The following TTYH2 variants were observed in gnomAD, a reference collection of about 807,000 sequenced individuals.
TTYH2 encodes the protein protein tweety homolog 2.
TTYH2 carries 49 observed loss-of-function variants against 68.3 expected under a neutral mutation model. The ratio of observed to expected loss-of-function variants is 0.72; its 90% CI spans 0.57 to 0.91. The LOEUF (loss-of-function observed/expected upper bound fraction) is 0.91, where lower values mean the gene tolerates loss of function less well. Among genes scored for constraint, TTYH2 ranks in the 40% least tolerant of loss-of-function variants. The probability of loss-of-function intolerance (pLI) is 0.00; values close to 1 mark genes in which losing one functional copy is unlikely to be tolerated. For missense variants in TTYH2, 631 were observed against 700.4 expected, an observed-to-expected ratio of 0.90 and a Z score of 1.12; for synonymous variants, 272 against 300.8, an observed-to-expected ratio of 0.90 and a Z score of 0.99.
intron 6 of TTYH2, among the ~76,000 whole-genome samples, chr17:74,244,496 G>A (rs991948905): frequency 6.6e-6 from 1 of 152,188 alleles, no homozygotes; most frequent in Non-Finnish European, 1.5e-5. Flanking sequence ...TGGGACTGTA[G>A]AATGTGGTGT....
chr17:74,226,386 G>C (rs757338411), intron 2 of TTYH2, among the ~76,000 whole-genome samples: 8 of 152,042 alleles, frequency 5.3e-5, no homozygotes, highest in Non-Finnish European at 1.2e-4. Flanking sequence ...ATGCCACAAG[G>C]GCACAGGAGT....
At chr17:74,218,083 G>A (rs2050238581) in intron 1 of TTYH2, among the ~76,000 whole-genome samples, 1 of 151,782 alleles carries the variant, frequency 6.6e-6, no homozygotes, top group South Asian at 2.1e-4. Context: ...ATGCACATGG[G>A]GACATGCAGT....
chr17:74,241,284 TGTG>T lies in TTYH2; in HGVS notation c.636-2089_636-2087del, dbSNP rs1329766426. Among the ~76,000 whole-genome samples the T allele has an allele frequency of 1.3e-4, 19 of 151,544 alleles. No individual in the cohort carries two copies. Among genetic ancestry groups the T allele is most frequent in the African/African-American group, 4.1e-4 (17 of 41,050 alleles). On this transcript the variant is annotated intron_variant, in intron 4 of 13. Transcript: ENST00000269346. The surrounding 1 kb of genome is among the most constrained non-coding windows in gnomAD (Gnocchi z 4.1). ...ATACGTGTGTGTGTGTGTGTGTGTG[TGTG>T]TGTGTGTGTGCGTGTAAAAATAAGA...
At chr17:74,238,663 C>G (rs150711301) in intron 4 of TTYH2, among the ~76,000 whole-genome samples, 1 of 151,904 alleles carries the variant, frequency 6.6e-6, no homozygotes, top group Admixed American at 6.6e-5. Flanking sequence ...GGTCGGGAGT[C>G]CGAGACCAGC....
rs199581019 is a variant in TTYH2, at chr17:74,249,411, C to T, written c.930+12C>T. ...GCCCCTTCCAGCAGGTATGGCCCCC[C>T]GAGGCCTGCCCTCACCCTGCCCACA... On this transcript the variant is annotated intron_variant, in intron 8 of 13. Transcript: ENST00000269346. 154 of 1,613,328 alleles carry T rather than the reference C, an allele frequency of 9.5e-5. 1 individual carries two copies. The highest frequency in any genetic ancestry group is 1.2e-4 in the African/African-American group (9 of 74,926).
chr17:74,230,841 C>A, intron 2 of TTYH2, 47 bp from the exon 3 acceptor site: 1 of 1,585,190 alleles, frequency 6.3e-7, no homozygotes, highest in Non-Finnish European at 8.6e-7. Context: ...AGCAAACATT[C>A]TCCTCTGTGT....
rs753566001 is a variant in TTYH2, at chr17:74,253,748, C to G, written c.1446-7C>G. On this transcript the variant is annotated splice_polypyrimidine_tract_variant and splice_region_variant and intron_variant, in intron 12 of 13. Transcript: ENST00000269346. ...TCCCCTCCTGAGCTCTCCTCTCATC[C>G]CCGCAGGAACCAAGCCATGCTCTTT... is the stretch of plus-strand genomic sequence containing the variant. 11 of 1,614,034 alleles carry G rather than the reference C, an allele frequency of 6.8e-6. No individual in the cohort carries two copies. The African/African-American group carries it at 1.2e-4, about 18-fold the overall frequency.
At chr17:74,223,406 G>C (rs926108167) in intron 2 of TTYH2, among the ~76,000 whole-genome samples, 1 of 152,084 alleles carries the variant, frequency 6.6e-6, no homozygotes, top group Admixed American at 6.5e-5. Context: ...GATTACAGGC[G>C]TGAGGCACTA....
At position 74,243,993 on chromosome 17, in the gene TTYH2, G is replaced by C. The variant is rs762444755; in HGVS notation, c.748G>C (p.Ala250Pro). The C allele has an allele frequency of 2.8e-5, 45 of 1,612,060 alleles. No individual in the cohort carries two copies. The highest frequency in any genetic ancestry group is 3.6e-5 in the Non-Finnish European group (42 of 1,179,950). The change falls in exon 6 of 14, where the codon GCA becomes CCA. Residue 250 changes from alanine (A) to proline (P), a missense_variant. By Grantham distance (27) the Ala-to-Pro change is conservative. Transcript: ENST00000269346. ...CTCTCCTAGGATGCTGTGCTGTGGG[G>C]CACTGAGCCTGCTCCTCAGTTGGGC... ...CLLASMLCCG[A>P]LSLLLSWASL...
chr17:74,247,422 C>T lies in TTYH2; in HGVS notation c.805-1589C>T, dbSNP rs149801041. Among the ~76,000 whole-genome samples, 157 of 152,272 alleles carry T rather than the reference C, an allele frequency of 1.0e-3. 1 individual carries two copies. In the East Asian group the frequency reaches 0.014, roughly 13 times the overall value. On this transcript the variant is annotated intron_variant, in intron 6 of 13. Coordinates refer to ENST00000269346, the MANE Select transcript of TTYH2 (RefSeq NM_032646.6). ...CATTAATAGGAGAGTTGACTCCTCA[C>T]TGAGTCCCACACCCCAAACCATCCT...
chr17:74,221,423 C>G (rs1034821323), intron 1 of TTYH2, among the ~76,000 whole-genome samples: 1 of 152,180 alleles, frequency 6.6e-6, no homozygotes, highest in African/African-American at 2.4e-5. Context: ...TGGAGTACCC[C>G]CTTCCTGCTG....
chr17:74,253,403 G>A, intron 12 of TTYH2, 137 bp downstream of exon 12: 2 of 1,080,104 alleles, frequency 1.9e-6, no homozygotes, highest in East Asian at 2.6e-5. Flanking sequence ...GTGCCTGGAG[G>A]GAAGGCCCCC....
intron 6 of TTYH2, chr17:74,248,364 A>T: frequency 4.1e-6 from 4 of 986,232 alleles, no homozygotes; most frequent in Non-Finnish European, 4.8e-6. Flanking sequence ...GGCCTTAGCA[A>T]TCACTTAGCC....
chr17:74,221,001 C>T (rs1037227660), intron 1 of TTYH2, among the ~76,000 whole-genome samples: 3 of 152,118 alleles, frequency 2.0e-5, no homozygotes, highest in Non-Finnish European at 4.4e-5. Flanking sequence ...CCTGTATTGC[C>T]CAGACTGGTC....
intron 4 of TTYH2, among the ~76,000 whole-genome samples, 176 bp downstream of exon 4, chr17:74,237,690 G>A (rs1303965338): frequency 4.6e-5 from 7 of 152,000 alleles, no homozygotes; most frequent in African/African-American, 1.2e-4. Context: ...GAAGTGGCAC[G>A]ATCTCAGCTC....
chr17:74,250,462 C>A (rs1056124340), intron 10 of TTYH2, 105 bp downstream of exon 10: 1 of 916,878 alleles, frequency 1.1e-6, no homozygotes, highest in Non-Finnish European at 1.6e-6. Context: ...GGCCTGGGTC[C>A]CCTTCCGGCC....
chr17:74,260,474 G>T lies in TTYH2; in HGVS notation c.*265G>T. On this transcript the variant is annotated 3_prime_UTR_variant, in exon 14 of 14. Coordinates refer to ENST00000269346, the MANE Select transcript of TTYH2 (RefSeq NM_032646.6). ...GCCTCAGAGGTACCATCCCTGAGCT[G>T]GCTGCCTGGCCCTGCTCACCCCTAC... 1 of 502,052 alleles carries T rather than the reference G, an allele frequency of 2.0e-6. No homozygotes were observed. The allele number at this position is 502,052 out of a possible 1,614,324, so 31.1% of individuals were successfully genotyped here.
At chr17:74,245,180 T>C (rs930047619) in intron 6 of TTYH2, among the ~76,000 whole-genome samples, 2 of 152,166 alleles carry the variant, frequency 1.3e-5, no homozygotes, top group African/African-American at 4.8e-5. Flanking sequence ...CAGAGGCTTG[T>C]GCAGAAGGGA....
chr17:74,213,775 CT>C lies in TTYH2; in HGVS notation c.129+60del. 4.4e-6 allele frequency: 7 copies of C among 1,579,686 alleles called. No homozygotes were observed. The highest frequency in any genetic ancestry group is 5.2e-6 in the Non-Finnish European group (6 of 1,161,484). On this transcript the variant is annotated intron_variant, in intron 1 of 13. Transcript: ENST00000269346. This position sits in a 1 kb window ranked among gnomAD's most constrained non-coding sequence, Gnocchi z 6.1. Reference sequence around the variant, plus strand: ...GCGCCCCAAGTCCCCGCACTACCCCCTCTCCCCTCGAGAGCCTGCACTTTCC... The same window carrying C: ...GCGCCCCAAGTCCCCGCACTACCCCCCTCCCCTCGAGAGCCTGCACTTTCC...
Sources: gnomAD v4.1 joint callset for allele counts (sites outside exome capture counted in the v4.1 genomes callset) on GRCh38, gnomAD v4.1.1 for gene constraint, Gnocchi (gnomAD v3.1) non-coding constraint, MANE v1.5 for transcripts, NCBI Gene and HGNC (gene_info 2026-07-23, HGNC 2026-07-21) for gene names.